CAMSAP2: variants seen among roughly 807,000 people sequenced by gnomAD.
CAMSAP2 encodes calmodulin-regulated spectrin-associated protein 2.
A neutral mutation model predicts 146.1 loss-of-function variants in CAMSAP2; 26 were observed. That is an observed-to-expected ratio of 0.18 (90% CI 0.13 to 0.25). CAMSAP2 has a LOEUF of 0.25. CAMSAP2 is among the 10% of genes least tolerant of loss of function. CAMSAP2 has a pLI of 1.00. For synonymous variants in CAMSAP2, 499 were observed against 596.6 expected, an observed-to-expected ratio of 0.84 and a Z score of 2.38; for missense variants, 1,381 against 1,759.3, an observed-to-expected ratio of 0.78 and a Z score of 3.85.
chr1:200,835,132 T>A (rs1667152759), intron 6 of CAMSAP2, among the ~76,000 whole-genome samples: 1 of 152,154 alleles, frequency 6.6e-6, no homozygotes, highest in Non-Finnish European at 1.5e-5. Flanking sequence ...GGGTACACCT[T>A]TGCTTTTGAA....
At position 200,816,836 on chromosome 1, in the gene CAMSAP2, GTA is replaced by G. The variant is rs1378720099; in HGVS notation, c.645+1194_645+1195del. ...TATGTGTGTACACACACACGCGTGTGTATGTGTGTACACACACACGCGTGTGT... is the reference window on the plus strand; with the variant it reads ...TATGTGTGTACACACACACGCGTGTGTGTGTGTACACACACACGCGTGTGT... On this transcript the variant is annotated intron_variant, in intron 4 of 16. Transcript: ENST00000358823. Among the ~76,000 whole-genome samples, 18 of 49,860 alleles carry G rather than the reference GTA, an allele frequency of 3.6e-4. 5 individuals are homozygous for G. The highest frequency in any genetic ancestry group is 5.5e-4 in the Non-Finnish European group (15 of 27,458). The allele number at this position is 49,860 out of a possible 152,430, so 32.7% of individuals were successfully genotyped here.
At chr1:200,750,596 T>G (rs1036846186) in intron 1 of CAMSAP2, among the ~76,000 whole-genome samples, 22 of 151,098 alleles carry the variant, frequency 1.5e-4, no homozygotes, top group Non-Finnish European at 3.1e-4. Context: ...TGTGTGTGTG[T>G]AGAGAGAAAG....
At chr1:200,828,073 A>G (rs1571806292) in intron 4 of CAMSAP2, among the ~76,000 whole-genome samples, 1 of 152,120 alleles carries the variant, frequency 6.6e-6, no homozygotes, top group South Asian at 2.1e-4. Context: ...AGTGAAGGAA[A>G]TGATCATCTT....
At chr1:200,821,528 TG>T (rs1220132607) in intron 4 of CAMSAP2, among the ~76,000 whole-genome samples, 2 of 152,156 alleles carry the variant, frequency 1.3e-5, no homozygotes, top group African/African-American at 4.8e-5. Flanking sequence ...TTTTTTAAAA[TG>T]TTTTTTACAT....
Position 200,854,749 on chromosome 1 carries a change from C to T in CAMSAP2, c.3824-68C>T, listed in dbSNP as rs188581639. On this transcript the variant is annotated intron_variant, in intron 13 of 16. Coordinates refer to ENST00000358823, the MANE Select transcript of CAMSAP2 (RefSeq NM_203459.4). ...TGTTATCTAATGAACAGACTCTTTG[C>T]TAGTTGCTCCTTTTAAATTTCTGAT... The T allele has an allele frequency of 1.8e-5, 21 of 1,137,212 alleles. No homozygotes were observed. The East Asian group carries it at 4.8e-4, about 26-fold the overall frequency. The allele number at this position is 1,137,212 out of a possible 1,614,324, so 70.4% of individuals were successfully genotyped here.
rs1156916590 is a variant in CAMSAP2 at position 200,738,988 on chromosome 1, A to G, written c.-840A>G. Among the ~76,000 whole-genome samples, 2 of 150,608 alleles carry G rather than the reference A, an allele frequency of 1.3e-5. No individual in the cohort carries two copies. Among genetic ancestry groups the G allele is most frequent in the Non-Finnish European group, 3.0e-5 (2 of 67,710 alleles). ...GGGAACGATCCAGCGAGCTGCAGAA[A>G]GGGGGGCAGGAAAAAATTACAAGGA... On this transcript the variant is annotated 5_prime_UTR_variant, in exon 1 of 17. Coordinates refer to ENST00000358823, the MANE Select transcript of CAMSAP2 (RefSeq NM_203459.4).
intron 4 of CAMSAP2, among the ~76,000 whole-genome samples, chr1:200,830,865 G>A (rs1667023766): frequency 6.6e-6 from 1 of 152,172 alleles, no homozygotes; most frequent in Admixed American, 6.5e-5. Flanking sequence ...AGGAAAACAT[G>A]TTCCATGAAT....
intron 6 of CAMSAP2, among the ~76,000 whole-genome samples, chr1:200,836,555 A>C (rs955104586): frequency 1.6e-5 from 2 of 123,134 alleles, no homozygotes; most frequent in Non-Finnish European, 3.9e-5. Flanking sequence ...GTGAACATAC[A>C]CATGCATGTG....
At chr1:200,795,095 G>A (rs779634717) in intron 2 of CAMSAP2, among the ~76,000 whole-genome samples, 4 of 152,176 alleles carry the variant, frequency 2.6e-5, no homozygotes, top group Non-Finnish European at 4.4e-5. Context: ...AATGGTCTTT[G>A]CTAACCTATG....
intron 13 of CAMSAP2, 26 bp from the exon 14 acceptor site, chr1:200,854,791 A>T (rs772872891): frequency 1.3e-6 from 2 of 1,591,098 alleles, no homozygotes; most frequent in South Asian, 2.3e-5. Flanking sequence ...TTTATTCAGG[A>T]TCATGAATTT....
At position 200,739,031 on chromosome 1, in the gene CAMSAP2, G is replaced by A. The variant is rs1664066082; in HGVS notation, c.-797G>A. ...TACAAGGACATTACTGATAAGACAG[G>A]AACTGAGAGCTTGGGATTCGCGGCC... On this transcript the variant is annotated 5_prime_UTR_variant, in exon 1 of 17. Coordinates refer to ENST00000358823, the MANE Select transcript of CAMSAP2 (RefSeq NM_203459.4). The surrounding 1 kb of genome is among the most constrained non-coding windows in gnomAD (Gnocchi z 4.8). 6.6e-6 allele frequency among the ~76,000 whole-genome samples: 1 copy of A among 152,034 alleles called. No homozygotes were observed. The highest frequency in any genetic ancestry group is 1.5e-5 in the Non-Finnish European group (1 of 67,984).
intron 6 of CAMSAP2, among the ~76,000 whole-genome samples, chr1:200,838,461 GACTGT>G (rs1208240835): frequency 6.7e-6 from 1 of 149,090 alleles, no homozygotes; most frequent in Admixed American, 7.5e-5. Context: ...ATGTTTTACT[GACTGT>G]TTTTTTTAGT....
intron 4 of CAMSAP2, among the ~76,000 whole-genome samples, chr1:200,824,378 GC>G (rs1243187565): frequency 3.9e-5 from 6 of 151,972 alleles, no homozygotes; most frequent in South Asian, 4.1e-4. Context: ...ACAGTATTTA[GC>G]AACTGTAAAA....
intron 4 of CAMSAP2, among the ~76,000 whole-genome samples, chr1:200,829,450 A>G (rs1666987000): frequency 6.6e-6 from 1 of 152,024 alleles, no homozygotes; most frequent in Non-Finnish European, 1.5e-5. Flanking sequence ...TATAGATGAC[A>G]CTTCACTTTT....
intron 2 of CAMSAP2, among the ~76,000 whole-genome samples, chr1:200,776,216 A>C (rs930194090): frequency 1.3e-5 from 2 of 152,196 alleles, no homozygotes; most frequent in African/African-American, 4.8e-5. Flanking sequence ...TTGTTCTTCC[A>C]TCCAGCCTTC....
At chr1:200,782,785 T>C (rs1038895275) in intron 2 of CAMSAP2, among the ~76,000 whole-genome samples, 1 of 133,168 alleles carries the variant, frequency 7.5e-6, no homozygotes, top group Admixed American at 7.5e-5. Flanking sequence ...TTTCTCTCTT[T>C]TTTTTTTTTT....
chr1:200,752,947 C>T (rs144901955), intron 1 of CAMSAP2, among the ~76,000 whole-genome samples: 108 of 151,202 alleles, frequency 7.1e-4, no homozygotes, highest in African/African-American at 2.4e-3. Context: ...TCTCCTTTAA[C>T]CTGGAATAGT....
intron 2 of CAMSAP2, among the ~76,000 whole-genome samples, chr1:200,765,131 A>C (rs929457566): frequency 2.0e-5 from 3 of 152,050 alleles, no homozygotes; most frequent in Non-Finnish European, 4.4e-5. Flanking sequence ...AAAAAAACTC[A>C]ACGTAACTTC....
In CAMSAP2 at chr1:200,739,192, G is replaced by A. The variant is rs550495460; in HGVS notation, c.-636G>A. Among the ~76,000 whole-genome samples, 25 of 152,140 alleles carry A rather than the reference G, an allele frequency of 1.6e-4. No homozygotes were observed. In the South Asian group the frequency reaches 3.9e-3, roughly 24 times the overall value. ...GGGACGGGCCGGCGGCGGCCTGTGA[G>A]CCGCAGTGATTTTGACGTTTTCCGC... On this transcript the variant is annotated 5_prime_UTR_variant, in exon 1 of 17. Transcript: ENST00000358823. The surrounding 1 kb of genome is among the most constrained non-coding windows in gnomAD (Gnocchi z 4.8).
Sources: allele counts gnomAD v4.1 joint callset (sites outside exome capture counted in the v4.1 genomes callset), GRCh38; gene constraint gnomAD v4.1.1; non-coding constraint Gnocchi (gnomAD v3.1); transcripts MANE v1.5; gene names NCBI Gene and HGNC (gene_info 2026-07-23, HGNC 2026-07-21).